Variants in SYNE1 observed in about 807,000 individuals in gnomAD.
SYNE1 encodes nesprin-1.
In SYNE1, 616 loss-of-function variants were observed where a neutral mutation model predicts 1,111.0. That is an observed-to-expected ratio of 0.55 (90% CI 0.52 to 0.59). SYNE1 has a LOEUF of 0.59. Among genes scored for constraint, SYNE1 ranks in the 20% least tolerant of loss-of-function variants. The pLI is 0.00. For synonymous variants in SYNE1, 3,855 were observed against 3,825.8 expected (o/e 1.01, Z -0.28); for missense variants, 10,006 against 10,417.0 (o/e 0.96, Z 1.72).
rs11387272 is a variant in SYNE1 at position 152,606,976 on chromosome 6, C to CTTTTTTTTTT, written c.67+21288_67+21289insAAAAAAAAAA. On this transcript the variant is annotated intron_variant, in intron 3 of 145. Transcript: ENST00000367255. ...GCAAAAGGAAAGGCATGCCTCGGTTCTCTTTTTTTTTTTTTTTTTTTTTTT... is the reference window on the plus strand; with the variant it reads ...GCAAAAGGAAAGGCATGCCTCGGTTCTTTTTTTTTTTCTTTTTTTTTTTTTTTTTTTTTTT... Among the ~76,000 whole-genome samples the CTTTTTTTTTT allele has an allele frequency of 1.7e-4, 19 of 109,100 alleles. 2 individuals are homozygous for CTTTTTTTTTT. Among genetic ancestry groups the CTTTTTTTTTT allele is most frequent in the African/African-American group, 7.1e-4 (19 of 26,770 alleles). 71.6% of individuals were successfully genotyped at this position (109,100 alleles called of 152,430 possible).
chr6:152,282,660 ATACTT>A (rs1341911384), intron 96 of SYNE1, among the ~76,000 whole-genome samples: 2 of 152,132 alleles, frequency 1.3e-5, no homozygotes, highest in African/African-American at 4.8e-5. Context: ...AATACTCTAA[ATACTT>A]TATTTTAAAA....
chr6:152,275,862 C>T (rs1381220577), intron 98 of SYNE1, among the ~76,000 whole-genome samples: 1 of 144,790 alleles, frequency 6.9e-6, no homozygotes, highest in South Asian at 2.2e-4. Context: ...GCCTGGGTGA[C>T]AGAGCAAGAC....
At chr6:152,552,437 T>C (rs1048329754) in intron 3 of SYNE1, among the ~76,000 whole-genome samples, 4 of 124,132 alleles carry the variant, frequency 3.2e-5, no homozygotes, top group African/African-American at 1.2e-4. Context: ...TAAATACTTA[T>C]ATTTATATAT....
At position 152,133,417 on chromosome 6, in the gene SYNE1, CAGT is replaced by C. The variant is rs1259980955; in HGVS notation, c.25857_25859del (p.Leu8620del). ...AACAGTCTGTTCCTTCAGCATTCAC[CAGT>C]AGTTGGCAAGACATGTCTTGCAAAG... On this transcript the variant is annotated inframe_deletion, in exon 143 of 146. Coordinates refer to ENST00000367255, the MANE Select transcript of SYNE1 (RefSeq NM_182961.4). The C allele has an allele frequency of 3.7e-6, 6 of 1,614,038 alleles. No homozygotes were observed. The highest frequency in any genetic ancestry group is 5.1e-6 in the Non-Finnish European group (6 of 1,180,030).
chr6:152,311,768 A>G (rs575469305), intron 87 of SYNE1, among the ~76,000 whole-genome samples: 111 of 150,096 alleles, frequency 7.4e-4, no homozygotes, highest in African/African-American at 2.6e-3. Context: ...TTCTTAGGCA[A>G]TAGACTATTT....
At chr6:152,184,989 C>A (rs1227259473) in intron 128 of SYNE1, among the ~76,000 whole-genome samples, 2 of 152,156 alleles carry the variant, frequency 1.3e-5, no homozygotes, top group Non-Finnish European at 2.9e-5. Flanking sequence ...TTGCCAACAG[C>A]TGAGAAGCAC....
Position 152,354,677 on chromosome 6 carries a change from T to A in SYNE1, c.10908A>T (p.Ile3636=). The A allele has an allele frequency of 1.2e-6, 2 of 1,614,242 alleles. No individual in the cohort carries two copies. Among genetic ancestry groups the A allele is most frequent in the Non-Finnish European group, 1.7e-6 (2 of 1,180,034 alleles). The change falls in exon 67 of 146, where the codon ATA becomes ATT. Residue 3636 remains isoleucine (I), a synonymous_variant. Transcript: ENST00000367255. Reference sequence around the variant, plus strand: ...GTTGTACCTTCATCTGATGTAATTGTATCTCCTTGGTTGCCCTGTTAGACT... The same window carrying A: ...GTTGTACCTTCATCTGATGTAATTGAATCTCCTTGGTTGCCCTGTTAGACT... ...RRQSNRATKE[I]QLHQMKKWHE...
At chr6:152,438,010 T>C (rs1279166445) in intron 32 of SYNE1, among the ~76,000 whole-genome samples, 2 of 152,110 alleles carry the variant, frequency 1.3e-5, no homozygotes, top group Admixed American at 1.3e-4. Flanking sequence ...TGAGACTCTG[T>C]CTCAAAAAAG....
chr6:152,474,403 T>G (rs778224001), intron 14 of SYNE1, among the ~76,000 whole-genome samples: 2 of 151,018 alleles, frequency 1.3e-5, no homozygotes, highest in Non-Finnish European at 3.0e-5. Flanking sequence ...AATAGACAAA[T>G]CCAGATTGTC....
intron 131 of SYNE1, among the ~76,000 whole-genome samples, chr6:152,159,371 T>G (rs533749426): frequency 6.6e-6 from 1 of 152,196 alleles, no homozygotes. Context: ...CATGGGAATG[T>G]AGTGAGGCCA....
intron 115 of SYNE1, among the ~76,000 whole-genome samples, chr6:152,227,922 A>C (rs892755898): frequency 6.6e-6 from 1 of 152,176 alleles, no homozygotes; most frequent in Non-Finnish European, 1.5e-5. Context: ...CTGATCAAAA[A>C]GGGGAAAGGC....
chr6:152,192,974 T>C (rs1345299033), intron 127 of SYNE1, among the ~76,000 whole-genome samples: 5 of 152,184 alleles, frequency 3.3e-5, no homozygotes, highest in African/African-American at 1.2e-4. Context: ...GAAGTGTGTT[T>C]CTTGTAGGCA....
intron 53 of SYNE1, 28 bp downstream of exon 53, chr6:152,390,252 A>C (rs1457947867): frequency 1.9e-6 from 3 of 1,613,342 alleles, no homozygotes; most frequent in Admixed American, 1.7e-5. Flanking sequence ...CATTGGACTT[A>C]AACAAACTCT....
At chr6:152,227,670 A>C (rs2081907233) in intron 115 of SYNE1, among the ~76,000 whole-genome samples, 1 of 152,152 alleles carries the variant, frequency 6.6e-6, no homozygotes, top group African/African-American at 2.4e-5. Flanking sequence ...CTTTAATATG[A>C]TTCTAAAATT....
At chr6:152,260,503 C>A (rs1266817519) in intron 101 of SYNE1, among the ~76,000 whole-genome samples, 1 of 152,120 alleles carries the variant, frequency 6.6e-6, no homozygotes, top group Non-Finnish European at 1.5e-5. Context: ...GCTATTTCTG[C>A]AGACAGAGGT....
At chr6:152,433,714 C>G in intron 34 of SYNE1, 81 bp downstream of exon 34, 1 of 1,533,392 alleles carries the variant, frequency 6.5e-7, no homozygotes. Context: ...GTCCTGGGAC[C>G]GAACAGCATT....
At chr6:152,441,059 G>A in intron 32 of SYNE1, 71 bp downstream of exon 32, 2 of 1,555,014 alleles carry the variant, frequency 1.3e-6, no homozygotes, top group Non-Finnish European at 1.8e-6. Flanking sequence ...TAGTAATAAT[G>A]GAGGAGAAAT....
intron 22 of SYNE1, chr6:152,456,638 T>A (rs1320499598): frequency 7.6e-6 from 3 of 396,184 alleles, no homozygotes; most frequent in Non-Finnish European, 1.5e-5. Context: ...CTGCTGCACA[T>A]CTGCAGGACA....
intron 3 of SYNE1, among the ~76,000 whole-genome samples, chr6:152,626,717 C>A (rs546835854): frequency 1.3e-5 from 2 of 152,254 alleles, no homozygotes; most frequent in South Asian, 4.2e-4. Flanking sequence ...CATCACAAAC[C>A]AGTCCAGGCA....
Sources: allele counts gnomAD v4.1 joint callset (sites outside exome capture counted in the v4.1 genomes callset), GRCh38; gene constraint gnomAD v4.1.1; transcripts MANE v1.5; gene names NCBI Gene and HGNC (gene_info 2026-07-23, HGNC 2026-07-21).